Variants in FAAH2 observed in about 807,000 individuals in gnomAD.
FAAH2 encodes the protein fatty acid amide hydrolase 2.
FAAH2 carries 60 observed loss-of-function variants against 36.9 expected under a neutral mutation model. The observed-to-expected ratio is 1.63, with a 90% CI of 1.32 to 2.02. The LOEUF is 2.02. Among genes scored for constraint, FAAH2 ranks in the 30% most tolerant of loss-of-function variants. The pLI is 0.00. For missense variants in FAAH2, 689 were observed against 397.5 expected, an observed-to-expected ratio of 1.73 and a Z score of -6.23; for synonymous variants, 214 against 143.8, an observed-to-expected ratio of 1.49 and a Z score of -3.49.
the FAAH2 span, among the ~76,000 whole-genome samples, chrX:57,161,358 T>C: frequency 1.8e-5 from 2 of 111,773 alleles, no homozygotes; most frequent in Non-Finnish European, 3.8e-5. Flanking sequence ...TGGAGAGTTC[T>C]GTAGATGTCT....
chrX:57,459,119 C>A (rs922032393), intron 10 of FAAH2, among the ~76,000 whole-genome samples: 3 of 112,535 alleles, frequency 2.7e-5, no homozygotes, highest in Non-Finnish European at 5.6e-5. Flanking sequence ...CTGAAGTCAA[C>A]CTGGGACGAT....
chrX:57,157,807 ATTTTTAT>A, the FAAH2 span, among the ~76,000 whole-genome samples: 454 of 110,818 alleles, frequency 4.1e-3, 2 homozygotes, highest in Non-Finnish European at 7.4e-3. Flanking sequence ...GCTCAGTTTA[ATTTTTAT>A]TTTTTATTTT....
chrX:57,194,357 G>T, the FAAH2 span, among the ~76,000 whole-genome samples: 1 of 110,933 alleles, frequency 9.0e-6, no homozygotes, highest in Non-Finnish European at 1.9e-5. Flanking sequence ...TTCTGCAGTT[G>T]TAATGCCTAC....
chrX:57,148,833 G>A, the FAAH2 span, among the ~76,000 whole-genome samples: 1 of 111,520 alleles, frequency 9.0e-6, no homozygotes, highest in Non-Finnish European at 1.9e-5. Flanking sequence ...TCCCTGTCTT[G>A]TGCCAGTTTT....
the FAAH2 span, among the ~76,000 whole-genome samples, chrX:57,238,456 G>A: frequency 5.4e-5 from 6 of 110,845 alleles, no homozygotes; most frequent in Middle Eastern, 4.7e-3. Flanking sequence ...GAGAACACAT[G>A]GACACATAGA....
At chrX:57,452,748 A>T (rs982792433) in intron 10 of FAAH2, among the ~76,000 whole-genome samples, 5 of 112,578 alleles carry the variant, frequency 4.4e-5, no homozygotes, top group African/African-American at 6.5e-5. Context: ...ATAAAACTGG[A>T]AAAATTACTG....
At chrX:57,488,373 T>C (rs764432879) in intron 10 of FAAH2, among the ~76,000 whole-genome samples, 42 of 111,936 alleles carry the variant, frequency 3.8e-4, no homozygotes, top group African/African-American at 1.3e-3. Context: ...CTTTATAATT[T>C]ACTCTGATTT....
At chrX:57,403,449 T>C (rs1172096413) in intron 7 of FAAH2, among the ~76,000 whole-genome samples, 1 of 112,851 alleles carries the variant, frequency 8.9e-6, no homozygotes, top group Non-Finnish European at 1.9e-5. Context: ...ACATTGCCTT[T>C]GCACTCAGGG....
chrX:57,354,422 T>G (rs1569286097), intron 5 of FAAH2, among the ~76,000 whole-genome samples: 2 of 110,493 alleles, frequency 1.8e-5, no homozygotes, highest in East Asian at 5.7e-4. Flanking sequence ...TAATGGACAC[T>G]CAGAAGGGTG....
At chrX:57,137,375 A>C in the FAAH2 span, 1 of 753,062 alleles carries the variant, frequency 1.3e-6, no homozygotes, top group Non-Finnish European at 1.6e-6. Context: ...CGTGTGTAGG[A>C]GCGCGGCGAG....
Position 57,448,535 on chromosome X carries a change from T to C in FAAH2, c.1240T>C (p.Leu414=), listed in dbSNP as rs1422887961. 5 of 1,209,789 alleles carry C rather than the reference T, an allele frequency of 4.1e-6. No homozygotes were observed. The East Asian group carries it at 1.5e-4, about 36-fold the overall frequency. The change falls in exon 10 of 11, where the codon TTG becomes CTG. Residue 414 remains leucine (L), a synonymous_variant. Transcript: ENST00000374900. ...YTIPSIGLAL[L]EEKLRYSNEK... is the part of the protein sequence containing the mutation. ...ATATCATTCTGTAGGACTGGCTTTG[T>C]TGGAAGAAAAGCTCAGATATAGCAA... is the stretch of plus-strand genomic sequence containing the variant.
chrX:57,354,192 TTCA>T, intron 5 of FAAH2, among the ~76,000 whole-genome samples: 2 of 111,158 alleles, frequency 1.8e-5, no homozygotes, highest in Middle Eastern at 9.3e-3. Flanking sequence ...AACCTAAGTG[TTCA>T]TCAACATATG....
At chrX:57,232,080 C>A in the FAAH2 span, among the ~76,000 whole-genome samples, 1 of 111,603 alleles carries the variant, frequency 9.0e-6, no homozygotes, top group South Asian at 3.8e-4. Flanking sequence ...GACTGAAAGG[C>A]CCCAGTTTGG....
intron 10 of FAAH2, among the ~76,000 whole-genome samples, chrX:57,484,875 C>G (rs372063336): frequency 9.0e-6 from 1 of 111,024 alleles, no homozygotes; most frequent in East Asian, 2.9e-4. Flanking sequence ...GGGGCTGGAC[C>G]TGGGTTGAGC....
chrX:57,180,805 T>C, the FAAH2 span, among the ~76,000 whole-genome samples: 2 of 111,212 alleles, frequency 1.8e-5, no homozygotes, highest in Non-Finnish European at 3.8e-5. Context: ...TATCCTGACA[T>C]CAAAACCTAG....
intron 2 of FAAH2, among the ~76,000 whole-genome samples, chrX:57,302,517 T>G (rs1160150918): frequency 9.0e-6 from 1 of 111,108 alleles, no homozygotes; most frequent in Non-Finnish European, 1.9e-5. Flanking sequence ...CACAGTGGAA[T>G]TAGTGCTCTG....
At position 57,331,719 on chromosome X, in the gene FAAH2, G is replaced by C; in HGVS notation, c.534G>C (p.Glu178Asp). 2.5e-6 allele frequency: 3 copies of C among 1,211,293 alleles called. No homozygotes were observed. Among genetic ancestry groups the C allele is most frequent in the Non-Finnish European group, 3.4e-6 (3 of 895,342 alleles). The change falls in exon 4 of 11, where the codon GAG becomes GAC. Residue 178 changes from glutamate (E) to aspartate (D), a missense_variant. Coordinates refer to ENST00000374900, the MANE Select transcript of FAAH2 (RefSeq NM_174912.4). ...CTCTTGGCATAACCAACTGTAGTGA[G>C]TTGTGTATGTGGTATGAATCCAGTA... is the stretch of plus-strand genomic sequence containing the variant. Reference protein sequence around the residue: ...AIPLGITNCSELCMWYESSNK... With the variant: ...AIPLGITNCSDLCMWYESSNK...
intron 10 of FAAH2, among the ~76,000 whole-genome samples, chrX:57,467,042 T>A (rs1467952398): frequency 9.0e-6 from 1 of 111,192 alleles, no homozygotes; most frequent in Non-Finnish European, 1.9e-5. Context: ...CTGATGATGA[T>A]GATTTTTGTT....
chrX:57,187,510 A>G, the FAAH2 span, among the ~76,000 whole-genome samples: 2 of 111,442 alleles, frequency 1.8e-5, no homozygotes, highest in African/African-American at 6.5e-5. Flanking sequence ...TTTATCTTCT[A>G]ACAGAGACAA....
Sources: gnomAD v4.1 joint callset for allele counts (sites outside exome capture counted in the v4.1 genomes callset) on GRCh38, gnomAD v4.1.1 for gene constraint, MANE v1.5 for transcripts, NCBI Gene and HGNC (gene_info 2026-07-23, HGNC 2026-07-21) for gene names.